The following ST8SIA1 variants were observed in gnomAD, a reference collection of about 807,000 sequenced individuals.
ST8SIA1 encodes ST8 alpha-N-acetyl-neuraminide alpha-2,8-sialyltransferase 1.
Under a neutral mutation model 35.9 loss-of-function variants are expected in ST8SIA1, and 16 were observed. The ratio of observed to expected loss-of-function variants is 0.45; its 90% CI spans 0.30 to 0.68. The LOEUF (loss-of-function observed/expected upper bound fraction) is 0.68. Among genes scored for constraint, ST8SIA1 ranks in the 30% least tolerant of loss-of-function variants. The pLI, the probability that ST8SIA1 is intolerant of heterozygous loss-of-function variation, is 0.09. For synonymous variants in ST8SIA1, 170 were observed against 169.6 expected, an observed-to-expected ratio of 1.00 and a Z score of -0.02; for missense variants, 383 against 453.6, an observed-to-expected ratio of 0.84 and a Z score of 1.41.
chr12:22,311,235 G>A (rs1866445953), intron 1 of ST8SIA1, among the ~76,000 whole-genome samples: 2 of 152,116 alleles, frequency 1.3e-5, no homozygotes, highest in East Asian at 1.9e-4. Flanking sequence ...TCATGGTCTT[G>A]TGGCAAGAGA....
chr12:22,260,575 A>G (rs1370997696), intron 2 of ST8SIA1, among the ~76,000 whole-genome samples: 1 of 152,130 alleles, frequency 6.6e-6, no homozygotes, highest in Non-Finnish European at 1.5e-5. Flanking sequence ...ATATTATATG[A>G]ATCATCTGGA....
chr12:22,317,051 C>T (rs559532764), intron 1 of ST8SIA1, among the ~76,000 whole-genome samples: 1 of 152,180 alleles, frequency 6.6e-6, no homozygotes, highest in South Asian at 2.1e-4. Context: ...AGAAGCTACT[C>T]TGTGGAGATA....
At chr12:22,259,290 G>A (rs12310517) in intron 2 of ST8SIA1, among the ~76,000 whole-genome samples, 1 of 151,582 alleles carries the variant, frequency 6.6e-6, no homozygotes, top group Non-Finnish European at 1.5e-5. Flanking sequence ...AAGTCCAGGG[G>A]TTTTTTTAAA....
Position 22,321,179 on chromosome 12 carries a change from C to T in ST8SIA1, c.236+12818G>A, listed in dbSNP as rs1321762795. On this transcript the variant is annotated intron_variant, in intron 1 of 4. Coordinates refer to ENST00000396037, the MANE Select transcript of ST8SIA1 (RefSeq NM_003034.4). ...GGCTGTCCCTGAGCCATGGAGAAAG[C>T]GGAAAGGGAGACGGAAAGATAGATG... is the stretch of plus-strand genomic sequence containing the variant. Among the ~76,000 whole-genome samples the T allele has an allele frequency of 4.6e-5, 7 of 151,920 alleles. No individual in the cohort carries two copies. In the South Asian group the frequency reaches 8.3e-4, roughly 18 times the overall value.
rs74915151 is a variant in ST8SIA1 at position 22,197,752 on chromosome 12, A to C, written c.*3800T>G. 5.9e-5 allele frequency: 9 copies of C among 152,130 alleles called. No homozygotes were observed. Among genetic ancestry groups the C allele is most frequent in the Non-Finnish European group, 1.3e-4 (9 of 68,024 alleles). The allele number at this position is 152,130 out of a possible 1,614,324, so 9.4% of individuals were successfully genotyped here. A position where few individuals can be genotyped will look rare whatever the true frequency, so the allele number is the denominator to read the frequency against. ...ATATATAGCCTAAACAATTTTTTTT[A>C]GCCAAGAGAAAGACATGAGACATCA... On this transcript the variant is annotated 3_prime_UTR_variant, in exon 5 of 5. Coordinates refer to ENST00000396037, the MANE Select transcript of ST8SIA1 (RefSeq NM_003034.4).
At chr12:22,305,779 C>G (rs1866377049) in intron 1 of ST8SIA1, among the ~76,000 whole-genome samples, 1 of 152,188 alleles carries the variant, frequency 6.6e-6, no homozygotes, top group African/African-American at 2.4e-5. Context: ...GGTTACCTAA[C>G]TATAAACCCA....
chr12:22,308,428 C>T (rs112455527), intron 1 of ST8SIA1, among the ~76,000 whole-genome samples: 1 of 152,268 alleles, frequency 6.6e-6, no homozygotes, highest in Non-Finnish European at 1.5e-5. Context: ...TACACACTTA[C>T]CTATCAATTA....
Position 22,202,041 on chromosome 12 carries a change from A to G in ST8SIA1, c.585-3T>C, listed in dbSNP as rs1865054106. 1.9e-6 allele frequency: 3 copies of G among 1,561,542 alleles called. No homozygotes were observed. Among genetic ancestry groups the G allele is most frequent in the Non-Finnish European group, 2.6e-6 (3 of 1,162,968 alleles). On this transcript the variant is annotated splice_polypyrimidine_tract_variant and splice_region_variant and intron_variant, in intron 4 of 4. Coordinates refer to ENST00000396037, the MANE Select transcript of ST8SIA1 (RefSeq NM_003034.4). ...TGGACCACAGAAGGTTCTGAAACCT[A>G]TTGAAGAAAAAAAAAACTGTTCAAT...
At chr12:22,244,736 G>A (rs576110251) in intron 4 of ST8SIA1, among the ~76,000 whole-genome samples, 148 of 152,300 alleles carry the variant, frequency 9.7e-4, no homozygotes, top group African/African-American at 3.4e-3. Context: ...ACAGGCGTGA[G>A]CCACCAGGCC....
At position 22,193,779 on chromosome 12, in the gene ST8SIA1, G is replaced by A. The variant is rs1864951405; in HGVS notation, c.*7773C>T. On this transcript the variant is annotated 3_prime_UTR_variant, in exon 5 of 5. Transcript: ENST00000396037. The stretch of plus-strand genomic sequence containing the variant: ...GCAATTCCATATACTCTTCAAAGGT[G>A]ATTTCAATTTTATAGTTTAATCTAA... The A allele has an allele frequency of 6.6e-6, 1 of 152,210 alleles. No individual in the cohort carries two copies. The highest frequency in any genetic ancestry group is 2.1e-4 in the South Asian group (1 of 4,820). 9.4% of individuals were successfully genotyped at this position (152,210 alleles called of 1,614,324 possible). A position where few individuals can be genotyped will look rare whatever the true frequency, so the allele number is the denominator to read the frequency against.
At position 22,197,412 on chromosome 12, in the gene ST8SIA1, T is replaced by C. The variant is rs1423634755; in HGVS notation, c.*4140A>G. On this transcript the variant is annotated 3_prime_UTR_variant, in exon 5 of 5. Transcript: ENST00000396037. ...GGACTGGTAACATTCCCCTCCCCCT[T>C]AGGTCCCTCCTAACAAGTATTTGTC... 1 of 152,152 alleles carries C rather than the reference T, an allele frequency of 6.6e-6. No individual in the cohort carries two copies. Among genetic ancestry groups the C allele is most frequent in the Non-Finnish European group, 1.5e-5 (1 of 68,000 alleles). 9.4% of individuals were successfully genotyped at this position (152,152 alleles called of 1,614,324 possible). A position where few individuals can be genotyped will look rare whatever the true frequency, so the allele number is the denominator to read the frequency against.
intron 4 of ST8SIA1, among the ~76,000 whole-genome samples, chr12:22,241,913 T>C (rs1176424809): frequency 2.0e-5 from 3 of 152,150 alleles, no homozygotes; most frequent in Non-Finnish European, 2.9e-5. Context: ...ACTCCATATG[T>C]ATATTTTTCT....
intron 2 of ST8SIA1, among the ~76,000 whole-genome samples, chr12:22,261,767 A>G (rs1435289703): frequency 6.6e-6 from 1 of 152,084 alleles, no homozygotes; most frequent in East Asian, 1.9e-4. Flanking sequence ...CTTCTGAGAT[A>G]CCCCTTATCC....
intron 4 of ST8SIA1, among the ~76,000 whole-genome samples, chr12:22,215,027 G>A (rs963778621): frequency 7.2e-5 from 11 of 152,104 alleles, no homozygotes; most frequent in Non-Finnish European, 1.5e-4. Context: ...CTCCTGTCCT[G>A]TGAATTCATT....
At chr12:22,220,805 G>A (rs1168612612) in intron 4 of ST8SIA1, among the ~76,000 whole-genome samples, 1 of 152,156 alleles carries the variant, frequency 6.6e-6, no homozygotes, top group Non-Finnish European at 1.5e-5. Flanking sequence ...GCTTGTCCTT[G>A]GGACCTGGCA....
chr12:22,204,667 A>G (rs1865086914), intron 4 of ST8SIA1, among the ~76,000 whole-genome samples: 1 of 152,188 alleles, frequency 6.6e-6, no homozygotes, highest in Admixed American at 6.5e-5. Context: ...TGAAGGGAGT[A>G]GTTTTCCCTT....
chr12:22,250,099 C>T (rs1865652812), intron 3 of ST8SIA1, among the ~76,000 whole-genome samples: 1 of 152,108 alleles, frequency 6.6e-6, no homozygotes, highest in Non-Finnish European at 1.5e-5. Flanking sequence ...ACAGCCACCC[C>T]ACTCCCACTC....
At chr12:22,205,404 G>C (rs748077106) in intron 4 of ST8SIA1, among the ~76,000 whole-genome samples, 6 of 152,072 alleles carry the variant, frequency 3.9e-5, no homozygotes, top group Admixed American at 3.9e-4. Flanking sequence ...TAATCAATAT[G>C]AGCATAAAAG....
chr12:22,204,992 A>T (rs1184481979), intron 4 of ST8SIA1, among the ~76,000 whole-genome samples: 1 of 152,156 alleles, frequency 6.6e-6, no homozygotes, highest in East Asian at 1.9e-4. Flanking sequence ...TGCTCCAGCC[A>T]TCCCTGTGTG....
Sources: allele counts gnomAD v4.1 joint callset (sites outside exome capture counted in the v4.1 genomes callset), GRCh38; gene constraint gnomAD v4.1.1; transcripts MANE v1.5; gene names NCBI Gene and HGNC (gene_info 2026-07-23, HGNC 2026-07-21).